Variants in PLCL1 observed in about 807,000 individuals in gnomAD.
The protein encoded by PLCL1 is phospholipase C like 1 (inactive), also known as inactive phospholipase C-like protein 1.
Under a neutral mutation model 84.4 loss-of-function variants are expected in PLCL1, and 41 were observed. The observed-to-expected ratio is 0.49, with a 90% CI of 0.38 to 0.63. The LOEUF is 0.63. Among genes scored for constraint, PLCL1 ranks in the 30% least tolerant of loss-of-function variants. PLCL1 has a pLI of 0.00. For synonymous variants in PLCL1, 490 were observed against 488.3 expected (o/e 1.00, Z -0.05); for missense variants, 1,206 against 1,367.8 (o/e 0.88, Z 1.87).
rs75585579 is a variant in PLCL1 at position 198,072,584 on chromosome 2, T to C, written c.241-11174T>C. Among the ~76,000 whole-genome samples the C allele has an allele frequency of 3.0e-3, 458 of 152,172 alleles. 2 individuals are homozygous for C. The highest frequency in any genetic ancestry group is 0.01 in the African/African-American group (430 of 41,566). The stretch of plus-strand genomic sequence containing the variant: ...TGATTTTCATGAGAATGCGTCTAAA[T>C]CTTCAGCAGTTGGTAAAATGTTTTC... On this transcript the variant is annotated intron_variant, in intron 1 of 5. Coordinates refer to ENST00000428675, the MANE Select transcript of PLCL1 (RefSeq NM_006226.4).
chr2:197,895,569 T>G (rs1688119259), intron 1 of PLCL1, among the ~76,000 whole-genome samples: 1 of 151,962 alleles, frequency 6.6e-6, no homozygotes, highest in South Asian at 2.1e-4. Flanking sequence ...TTTGGGTTGC[T>G]AGTTATAATG....
At chr2:197,903,468 ATTTTTTTTTTTTTTTTTT>A (rs3056105) in intron 1 of PLCL1, among the ~76,000 whole-genome samples, 2 of 47,766 alleles carry the variant, frequency 4.2e-5, no homozygotes, top group Non-Finnish European at 7.0e-5. Context: ...CTCCATTTAA[ATTTTTTTTTTTTTTTTTT>A]TTTTTTTTTT....
At chr2:198,048,860 A>T (rs1176210417) in intron 1 of PLCL1, among the ~76,000 whole-genome samples, 1 of 152,236 alleles carries the variant, frequency 6.6e-6, no homozygotes, top group Admixed American at 6.5e-5. Context: ...CTGGGGACTA[A>T]GTTTCAACAT....
chr2:197,887,505 C>T (rs1687944390), intron 1 of PLCL1, among the ~76,000 whole-genome samples: 1 of 152,182 alleles, frequency 6.6e-6, no homozygotes, highest in Admixed American at 6.5e-5. Context: ...ACTTTTAACA[C>T]ATGCACTCCC....
chr2:197,903,332 C>A (rs919803545), intron 1 of PLCL1, among the ~76,000 whole-genome samples: 4 of 151,980 alleles, frequency 2.6e-5, no homozygotes, highest in Non-Finnish European at 4.4e-5. Flanking sequence ...GCTGATGAGC[C>A]CCAGTTTGCC....
intron 5 of PLCL1, among the ~76,000 whole-genome samples, chr2:198,136,981 G>A (rs185485796): frequency 6.6e-6 from 1 of 152,050 alleles, no homozygotes; most frequent in African/African-American, 2.4e-5. Flanking sequence ...CAAAATATCA[G>A]CACAAGGATA....
chr2:197,905,286 C>T (rs1688355345), intron 1 of PLCL1, among the ~76,000 whole-genome samples: 1 of 152,174 alleles, frequency 6.6e-6, no homozygotes, highest in African/African-American at 2.4e-5. Flanking sequence ...GTGATGTTCC[C>T]CTCCCTGTGT....
chr2:197,851,954 G>A (rs1687247710), intron 1 of PLCL1, among the ~76,000 whole-genome samples: 1 of 152,234 alleles, frequency 6.6e-6, no homozygotes, highest in East Asian at 1.9e-4. Flanking sequence ...TGGATTTGCT[G>A]TTGGTAGTAA....
chr2:197,924,884 A>C (rs1365265582), intron 1 of PLCL1, among the ~76,000 whole-genome samples: 1 of 152,196 alleles, frequency 6.6e-6, no homozygotes, highest in Non-Finnish European at 1.5e-5. Flanking sequence ...ATTTGAGAAT[A>C]ATCTAGAACT....
chr2:198,089,271 G>A (rs1029811427), intron 3 of PLCL1, among the ~76,000 whole-genome samples: 1 of 152,060 alleles, frequency 6.6e-6, no homozygotes, highest in African/African-American at 2.4e-5. Context: ...AGCTGCACAG[G>A]TTATAAGTGG....
At chr2:197,866,402 T>C (rs1687545678) in intron 1 of PLCL1, among the ~76,000 whole-genome samples, 2 of 151,888 alleles carry the variant, frequency 1.3e-5, no homozygotes, top group Non-Finnish European at 2.9e-5. Flanking sequence ...TTGAATTAAT[T>C]TGTCACTTAT....
intron 5 of PLCL1, among the ~76,000 whole-genome samples, chr2:198,138,677 G>T (rs1694313303): frequency 6.6e-6 from 1 of 152,030 alleles, no homozygotes; most frequent in Non-Finnish European, 1.5e-5. Context: ...TGGGTATTTT[G>T]TCCACTTGAC....
intron 3 of PLCL1, among the ~76,000 whole-genome samples, chr2:198,094,540 T>G (rs974206343): frequency 2.0e-4 from 30 of 152,124 alleles, no homozygotes; most frequent in African/African-American, 7.0e-4. Flanking sequence ...AAAGTATACG[T>G]TTTCTGTCTG....
At chr2:197,812,962 T>C (rs1690616166) in intron 1 of PLCL1, among the ~76,000 whole-genome samples, 1 of 152,138 alleles carries the variant, frequency 6.6e-6, no homozygotes, top group Admixed American at 6.5e-5. Flanking sequence ...ACCTGTATAC[T>C]TAAAGCCCAC....
intron 5 of PLCL1, among the ~76,000 whole-genome samples, chr2:198,140,123 G>A (rs192104995): frequency 1.3e-5 from 2 of 152,050 alleles, no homozygotes; most frequent in East Asian, 1.9e-4. Flanking sequence ...TAGTAGAGAC[G>A]GAGTTTCACC....
At position 198,148,644 on chromosome 2, in the gene PLCL1, G is replaced by A. The variant is rs533220670; in HGVS notation, c.*1682G>A. 1 of 152,410 alleles carries A rather than the reference G, an allele frequency of 6.6e-6. No individual in the cohort carries two copies. Among genetic ancestry groups the A allele is most frequent in the Non-Finnish European group, 1.5e-5 (1 of 68,014 alleles). The allele number at this position is 152,410 out of a possible 1,614,324, so 9.4% of individuals were successfully genotyped here. A position where few individuals can be genotyped will look rare whatever the true frequency, so the allele number is the denominator to read the frequency against. ...ACCCTCTGTTATATTTAACTTGCTG[G>A]TAGGAGGAATAGTGGAATGCAGGTG... is the stretch of plus-strand genomic sequence containing the variant. On this transcript the variant is annotated 3_prime_UTR_variant, in exon 6 of 6. Transcript: ENST00000428675.
At chr2:197,897,191 C>T (rs56349201) in intron 1 of PLCL1, among the ~76,000 whole-genome samples, 4,905 of 31,376 alleles carry the variant, frequency 0.16, 501 homozygotes, top group Middle Eastern at 0.28. Flanking sequence ...TTCTTCTTCT[C>T]CTTCTCCTTC....
In PLCL1 at chr2:197,821,822, A is replaced by C. The variant is rs530146668; in HGVS notation, c.240+16483A>C. Among the ~76,000 whole-genome samples, 23 of 152,276 alleles carry C rather than the reference A, an allele frequency of 1.5e-4. No homozygotes were observed. The South Asian group carries it at 4.6e-3, about 30-fold the overall frequency. ...AGATTCTATTGGTAAAATGAACAAG[A>C]GGAGACTGTAAGTTTTTGTTAAGGT... On this transcript the variant is annotated intron_variant, in intron 1 of 5. Coordinates refer to ENST00000428675, the MANE Select transcript of PLCL1 (RefSeq NM_006226.4).
chr2:197,930,492 A>G, intron 1 of PLCL1, among the ~76,000 whole-genome samples: 1 of 152,208 alleles, frequency 6.6e-6, no homozygotes. Flanking sequence ...GGGCTAAAAT[A>G]AAATGAAATA....
Sources: allele counts gnomAD v4.1 joint callset (sites outside exome capture counted in the v4.1 genomes callset), GRCh38; gene constraint gnomAD v4.1.1; transcripts MANE v1.5; gene names NCBI Gene and HGNC (gene_info 2026-07-23, HGNC 2026-07-21).